Variants in TIAM2 observed in about 807,000 individuals in gnomAD.
TIAM2 encodes rho guanine nucleotide exchange factor TIAM2.
A neutral mutation model predicts 152.9 loss-of-function variants in TIAM2; 80 were observed. The observed-to-expected ratio is 0.52, with a 90% confidence interval of 0.44 to 0.63. The LOEUF (loss-of-function observed/expected upper bound fraction) is 0.63, where lower values mean the gene tolerates loss of function less well. TIAM2 is among the 30% of genes least tolerant of loss of function. The pLI, the probability that TIAM2 is intolerant of heterozygous loss-of-function variation, is 0.00. For missense variants in TIAM2, 1,965 were observed against 2,120.1 expected (o/e 0.93, Z 1.44); for synonymous variants, 804 against 838.0 (o/e 0.96, Z 0.70).
intron 1 of TIAM2, among the ~76,000 whole-genome samples, chr6:155,007,028 G>A (rs1778413059): frequency 2.0e-5 from 3 of 152,212 alleles, no homozygotes. Context: ...GTCTTGCCAT[G>A]TTGCTCAGGC....
At chr6:155,185,190 A>T (rs988609277) in intron 14 of TIAM2, among the ~76,000 whole-genome samples, 9 of 134,396 alleles carry the variant, frequency 6.7e-5, no homozygotes, top group Non-Finnish European at 1.4e-4. Context: ...GCAGTGGCGC[A>T]ATCTTGGCTT....
At chr6:155,180,048 G>A (rs1047048757) in intron 12 of TIAM2, among the ~76,000 whole-genome samples, 3 of 152,252 alleles carry the variant, frequency 2.0e-5, no homozygotes, top group Non-Finnish European at 2.9e-5. Flanking sequence ...GGGAGGCCAA[G>A]GCGGGCAGAT....
chr6:155,003,382 A>G (rs1778346583), intron 1 of TIAM2, among the ~76,000 whole-genome samples: 1 of 152,142 alleles, frequency 6.6e-6, no homozygotes, highest in African/African-American at 2.4e-5. Flanking sequence ...CAAGAGGCTG[A>G]GGCACAAGAA....
At chr6:155,242,901 A>AT (rs527800448) in intron 16 of TIAM2, among the ~76,000 whole-genome samples, 55,124 of 131,746 alleles carry the variant, frequency 0.42, 11,771 homozygotes, top group East Asian at 0.83. Context: ...ACACCCAGCT[A>AT]TTTTTTTTTT....
At chr6:155,151,752 C>A (rs903539213) in intron 7 of TIAM2, among the ~76,000 whole-genome samples, 2 of 151,888 alleles carry the variant, frequency 1.3e-5, no homozygotes, top group Admixed American at 6.6e-5. Flanking sequence ...AGGGCCTGGT[C>A]CCAAGTGACA....
At chr6:155,176,789 G>T (rs1780769164) in intron 9 of TIAM2, 27 bp from the exon 10 acceptor site, 1 of 1,602,404 alleles carries the variant, frequency 6.2e-7, no homozygotes, top group South Asian at 1.1e-5. Context: ...AAATTTGTCT[G>T]CATTTTCTTT....
chr6:155,257,437 A>G lies in TIAM2; in HGVS notation c.*316A>G. 2.9e-6 allele frequency: 1 copy of G among 348,486 alleles called. No individual in the cohort carries two copies. Among genetic ancestry groups the G allele is most frequent in the Non-Finnish European group, 5.2e-6 (1 of 192,850 alleles). The allele number at this position is 348,486 out of a possible 1,614,324, so 21.6% of individuals were successfully genotyped here. On this transcript the variant is annotated 3_prime_UTR_variant, in exon 27 of 27. Coordinates refer to ENST00000682666, the MANE Select transcript of TIAM2 (RefSeq NM_012454.4). Reference sequence around the variant, plus strand: ...AAAAAGTAAGGCTGGGGAAGTCGTGATTAATAGTTTTCAAAGGGCCATTTT... The same window carrying G: ...AAAAAGTAAGGCTGGGGAAGTCGTGGTTAATAGTTTTCAAAGGGCCATTTT...
At chr6:155,125,629 G>A (rs971236548) in intron 2 of TIAM2, among the ~76,000 whole-genome samples, 3 of 152,070 alleles carry the variant, frequency 2.0e-5, no homozygotes, top group Admixed American at 6.6e-5. Context: ...ACTTAAGGCC[G>A]GAAGTTCGAG....
At chr6:155,172,201 G>A (rs1780601284) in intron 9 of TIAM2, among the ~76,000 whole-genome samples, 1 of 152,166 alleles carries the variant, frequency 6.6e-6, no homozygotes, top group South Asian at 2.1e-4. Flanking sequence ...TGGAGTGACT[G>A]TGGCTGCAGC....
intron 1 of TIAM2, among the ~76,000 whole-genome samples, chr6:155,041,519 T>C (rs2114906873): frequency 6.6e-6 from 1 of 152,230 alleles, no homozygotes; most frequent in African/African-American, 2.4e-5. Context: ...CAAGGAAGAA[T>C]TCTGTATTGT....
At chr6:155,127,925 G>A (rs1335101369) in intron 3 of TIAM2, among the ~76,000 whole-genome samples, 3 of 152,170 alleles carry the variant, frequency 2.0e-5, no homozygotes, top group African/African-American at 7.2e-5. Flanking sequence ...CCAGCTACTT[G>A]GGAGGCTGAG....
At chr6:155,015,968 A>C (rs972764408) in intron 1 of TIAM2, among the ~76,000 whole-genome samples, 16 of 151,446 alleles carry the variant, frequency 1.1e-4, no homozygotes, top group Middle Eastern at 3.4e-3. Context: ...AAAAAAAAAA[A>C]AAAAACTCCA....
intron 1 of TIAM2, among the ~76,000 whole-genome samples, chr6:155,029,107 G>C (rs1489751883): frequency 8.8e-6 from 1 of 114,062 alleles, no homozygotes; most frequent in Non-Finnish European, 1.7e-5. Context: ...TATACTATGT[G>C]TTATATATAC....
At chr6:155,234,569 AT>A (rs1047284599) in intron 15 of TIAM2, among the ~76,000 whole-genome samples, 3 of 151,456 alleles carry the variant, frequency 2.0e-5, no homozygotes, top group African/African-American at 4.9e-5. Flanking sequence ...TGGCCGGCTA[AT>A]TTTTTTTTAT....
At chr6:155,107,002 A>C (rs1778708133) in intron 2 of TIAM2, among the ~76,000 whole-genome samples, 2 of 152,232 alleles carry the variant, frequency 1.3e-5, no homozygotes, top group Admixed American at 1.3e-4. Context: ...TTTAGCTCTC[A>C]ACGGCTGAGC....
At chr6:155,169,953 G>A (rs1405624993) in intron 9 of TIAM2, among the ~76,000 whole-genome samples, 5 of 152,028 alleles carry the variant, frequency 3.3e-5, no homozygotes, top group African/African-American at 1.2e-4. Context: ...TGAGTAGCTG[G>A]GATTACAGGC....
Position 155,081,235 on chromosome 6 carries a change from C to T in TIAM2, c.-208-9054C>T, listed in dbSNP as rs550245654. 9.2e-5 allele frequency among the ~76,000 whole-genome samples: 14 copies of T among 152,160 alleles called. 1 individual carries two copies. In the South Asian group the frequency reaches 2.9e-3, roughly 32 times the overall value. On this transcript the variant is annotated intron_variant, in intron 1 of 26. Transcript: ENST00000682666. ...TGCTTAAGTCCAGGGATTCTGTGAC[C>T]GCAGAAATGACTGGCATCTCCATCT...
intron 1 of TIAM2, among the ~76,000 whole-genome samples, chr6:155,072,868 A>G (rs992709842): frequency 6.6e-6 from 1 of 152,164 alleles, no homozygotes; most frequent in Admixed American, 6.5e-5. Context: ...TCAGGGAGCC[A>G]CTGAAGCCAA....
intron 1 of TIAM2, among the ~76,000 whole-genome samples, chr6:155,060,592 G>T (rs1403199262): frequency 1.3e-5 from 2 of 151,914 alleles, no homozygotes; most frequent in Non-Finnish European, 2.9e-5. Context: ...TCCAGCTTTG[G>T]TGATTGAAAG....
Sources: gnomAD v4.1 joint callset for allele counts (sites outside exome capture counted in the v4.1 genomes callset) on GRCh38, gnomAD v4.1.1 for gene constraint, MANE v1.5 for transcripts, NCBI Gene and HGNC (gene_info 2026-07-23, HGNC 2026-07-21) for gene names.